SYBU: variants seen among roughly 807,000 people sequenced by gnomAD.
The protein encoded by SYBU is syntabulin.
Under a neutral mutation model 35.9 loss-of-function variants are expected in SYBU, and 21 were observed. The ratio of observed to expected loss-of-function variants is 0.58; its 90% CI spans 0.41 to 0.84. The LOEUF is 0.84. Ranked by LOEUF, SYBU falls within the 40% of genes least tolerant of loss-of-function variation. The probability of loss-of-function intolerance (pLI) is 0.00; values close to 1 mark genes in which losing one functional copy is unlikely to be tolerated. For missense variants in SYBU, 768 were observed against 848.2 expected (o/e 0.91, Z 1.17); for synonymous variants, 319 against 324.3 (o/e 0.98, Z 0.18).
At chr8:109,682,252 G>A (rs1817418450), upstream of SYBU, among the ~76,000 whole-genome samples, 1 of 152,196 alleles carries the variant, frequency 6.6e-6, no homozygotes, top group African/African-American at 2.4e-5. Context: ...AGGAAAATGT[G>A]GAAAAGTTTG....
chr8:109,607,580 T>C (rs1826193017), intron 3 of SYBU, among the ~76,000 whole-genome samples: 1 of 152,194 alleles, frequency 6.6e-6, no homozygotes, highest in Admixed American at 6.5e-5. Flanking sequence ...CATGCAATGC[T>C]CATGGTTGGA....
intron 3 of SYBU, among the ~76,000 whole-genome samples, chr8:109,604,924 G>A (rs1354849130): frequency 6.6e-6 from 1 of 152,190 alleles, no homozygotes; most frequent in Non-Finnish European, 1.5e-5. Context: ...CACAGAGCCT[G>A]CCTATCTCAA....
chr8:109,585,628 G>T (rs1446724555), intron 4 of SYBU: 1 of 159,770 alleles, frequency 6.3e-6, no homozygotes, highest in East Asian at 1.8e-4. Flanking sequence ...GGGAGTAGCT[G>T]CTTCCTTCAC....
At chr8:109,586,844 T>A (rs1823678792) in intron 3 of SYBU, among the ~76,000 whole-genome samples, 1 of 152,196 alleles carries the variant, frequency 6.6e-6, no homozygotes, top group Non-Finnish European at 1.5e-5. Flanking sequence ...GGGATGTTCA[T>A]TAGTTTGCAA....
intron 5 of SYBU, among the ~76,000 whole-genome samples, chr8:109,578,806 A>G (rs1185396439): frequency 6.6e-6 from 1 of 152,194 alleles, no homozygotes; most frequent in Non-Finnish European, 1.5e-5. Context: ...GCCACTGCCT[A>G]AAGATCCTGA....
chr8:109,687,839 T>C (rs1212779305), intron 1 of SYBU, among the ~76,000 whole-genome samples: 1 of 152,178 alleles, frequency 6.6e-6, no homozygotes, highest in Non-Finnish European at 1.5e-5. Context: ...TGAGTTCACA[T>C]CTACTCTCAA....
intron 2 of SYBU, among the ~76,000 whole-genome samples, chr8:109,623,426 A>G (rs2130428275): frequency 6.6e-6 from 1 of 152,350 alleles, no homozygotes; most frequent in African/African-American, 2.4e-5. Flanking sequence ...AAGAATACTC[A>G]CAGATCCAGG....
At chr8:109,666,378 CT>C (rs912390946) in intron 1 of SYBU, among the ~76,000 whole-genome samples, 3 of 152,138 alleles carry the variant, frequency 2.0e-5, no homozygotes, top group African/African-American at 7.2e-5. Context: ...GCAGCTCCCC[CT>C]ACCCCCGACC....
intron 2 of SYBU, among the ~76,000 whole-genome samples, chr8:109,624,173 C>CT (rs1256520734): frequency 6.6e-6 from 1 of 151,928 alleles, no homozygotes; most frequent in African/African-American, 2.4e-5. Flanking sequence ...ATAAAAAAAA[C>CT]TGAGTTCATG....
intron 3 of SYBU, among the ~76,000 whole-genome samples, chr8:109,587,626 A>T (rs1056584324): frequency 9.9e-5 from 15 of 152,216 alleles, no homozygotes; most frequent in African/African-American, 3.6e-4. Context: ...TCTCTTTCTG[A>T]TGGCCTCTGT....
chr8:109,605,464 C>T (rs556329340), intron 3 of SYBU, among the ~76,000 whole-genome samples: 2 of 152,142 alleles, frequency 1.3e-5, no homozygotes, highest in African/African-American at 4.8e-5. Flanking sequence ...ACAAATGCTA[C>T]CCCCCTGCTC....
At chr8:109,682,176 T>G (rs1817416188), upstream of SYBU, among the ~76,000 whole-genome samples, 1 of 152,130 alleles carries the variant, frequency 6.6e-6, no homozygotes, top group South Asian at 2.1e-4. Context: ...CCTGAAAATG[T>G]GAAAGCAACT....
chr8:109,641,809 T>C (rs1172597088), intron 2 of SYBU, among the ~76,000 whole-genome samples: 1 of 152,230 alleles, frequency 6.6e-6, no homozygotes, highest in African/African-American at 2.4e-5. Flanking sequence ...AATGGACAGA[T>C]GCTGGAGAGG....
intron 3 of SYBU, among the ~76,000 whole-genome samples, chr8:109,600,644 G>T (rs1015516206): frequency 8.5e-5 from 13 of 152,190 alleles, no homozygotes; most frequent in African/African-American, 3.1e-4. Flanking sequence ...TGCAGGTCAT[G>T]AACATAGAGA....
intron 1 of SYBU, 94 bp downstream of exon 1, chr8:109,644,542 A>G: frequency 7.0e-7 from 1 of 1,419,124 alleles, no homozygotes; most frequent in Non-Finnish European, 9.6e-7. Context: ...CCAGACTCTA[A>G]ATGTCACCCC....
At chr8:109,590,616 T>A in intron 3 of SYBU, among the ~76,000 whole-genome samples, 1 of 151,844 alleles carries the variant, frequency 6.6e-6, no homozygotes, top group Admixed American at 6.6e-5. Flanking sequence ...TATTTAGAAG[T>A]GAATAATTTG....
At chr8:109,660,774 A>G (rs1364306069) in intron 1 of SYBU, among the ~76,000 whole-genome samples, 1 of 152,178 alleles carries the variant, frequency 6.6e-6, no homozygotes, top group Admixed American at 6.5e-5. Flanking sequence ...TTTATTGGGT[A>G]TTTATTCTGA....
At chr8:109,682,901 C>T (rs1163473455), upstream of SYBU, among the ~76,000 whole-genome samples, 2 of 152,338 alleles carry the variant, frequency 1.3e-5, no homozygotes, top group Admixed American at 1.3e-4. Flanking sequence ...GGCTAAGGTA[C>T]AGCTCTGGAC....
chr8:109,627,957 G>C (rs1390939092), intron 2 of SYBU, among the ~76,000 whole-genome samples: 1 of 152,206 alleles, frequency 6.6e-6, no homozygotes, highest in Non-Finnish European at 1.5e-5. Context: ...GGAACTCAGA[G>C]ATGTACAGAG....
Sources: allele counts gnomAD v4.1 joint callset (sites outside exome capture counted in the v4.1 genomes callset), GRCh38; gene constraint gnomAD v4.1.1; transcripts MANE v1.5; gene names NCBI Gene and HGNC (gene_info 2026-07-23, HGNC 2026-07-21).